The following IL31RA variants were observed in gnomAD, a reference collection of about 807,000 sequenced individuals.
IL31RA encodes interleukin 31 receptor A.
In IL31RA, 66 loss-of-function variants were observed where a neutral mutation model predicts 83.7. That is an observed-to-expected ratio of 0.79 (90% CI 0.65 to 0.97). The LOEUF (loss-of-function observed/expected upper bound fraction) is 0.97, where lower values mean the gene tolerates loss of function less well. IL31RA is among the 50% of genes least tolerant of loss of function. IL31RA has a pLI of 0.00. For missense variants in IL31RA, 798 were observed against 919.4 expected, an observed-to-expected ratio of 0.87 and a Z score of 1.71; for synonymous variants, 325 against 329.0, an observed-to-expected ratio of 0.99 and a Z score of 0.13.
At chr5:55,850,221 G>A (rs1200433507), upstream of IL31RA, among the ~76,000 whole-genome samples, 1 of 150,990 alleles carries the variant, frequency 6.6e-6, no homozygotes, top group Non-Finnish European at 1.5e-5. Context: ...CATTTATTAT[G>A]CTGTTTACAG....
At position 55,906,106 on chromosome 5, in the gene IL31RA, C is replaced by T. The variant is rs1184893115; in HGVS notation, c.1070C>T (p.Ser357Leu). 3 of 1,613,188 alleles carry T rather than the reference C, an allele frequency of 1.9e-6. No homozygotes were observed. The highest frequency in any genetic ancestry group is 2.2e-5 in the East Asian group (1 of 44,896). Reference sequence around the variant, plus strand: ...AAGCAGTCCTTTTCTCTCCTTTCAGCATTTCAGTGCATTGAGGTCATGCAG... The same window carrying T: ...AAGCAGTCCTTTTCTCTCCTTTCAGTATTTCAGTGCATTGAGGTCATGCAG... ...TLRIPAIQEK[S>L]FQCIEVMQAC... Residue 357 changes from serine to leucine, a missense_variant and splice_region_variant, in exon 9 of 15, where the codon TCA (serine) becomes TTA (leucine). Physicochemically the swap from Ser to Leu is moderately radical, Grantham distance 145. Transcript: ENST00000652347.
chr5:55,886,054 T>C (rs1227718654), intron 5 of IL31RA, among the ~76,000 whole-genome samples: 1 of 151,988 alleles, frequency 6.6e-6, no homozygotes, highest in Non-Finnish European at 1.5e-5. Flanking sequence ...CATATAACAC[T>C]AAGTGAGGGC....
rs1423646394 is a variant in IL31RA, at chr5:55,903,080, C to T, written c.1069+2948C>T. Among the ~76,000 whole-genome samples, 1 of 152,212 alleles carries T rather than the reference C, an allele frequency of 6.6e-6. No homozygotes were observed. Among genetic ancestry groups the T allele is most frequent in the Non-Finnish European group, 1.5e-5 (1 of 68,036 alleles). ...TGACCTGTGCGGGCCTCCACGTTCC[C>T]CTCTTGGAATAAGGGCTTGGAATGA... is the stretch of plus-strand genomic sequence containing the variant. On this transcript the variant is annotated intron_variant, in intron 8 of 14. Transcript: ENST00000652347. The surrounding 1 kb of genome is among the most constrained non-coding windows in gnomAD (Gnocchi z 4.7).
chr5:55,873,894 T>C (rs916470684), intron 4 of IL31RA, among the ~76,000 whole-genome samples: 4 of 152,194 alleles, frequency 2.6e-5, no homozygotes, highest in South Asian at 4.1e-4. Flanking sequence ...TTATATGAAG[T>C]CAAAAATGTA....
rs939662252 is a variant in IL31RA at position 55,890,247 on chromosome 5, C to G, written c.772+112C>G. On this transcript the variant is annotated intron_variant, in intron 6 of 14. Coordinates refer to ENST00000652347, the MANE Select transcript of IL31RA (RefSeq NM_139017.7). ...TTGGGAATCATGGAATCTCATGACCCCAGGGGCCCCCTGTACCATCGAGAG... is the reference window on the plus strand; with the variant it reads ...TTGGGAATCATGGAATCTCATGACCGCAGGGGCCCCCTGTACCATCGAGAG... 10 of 1,044,132 alleles carry G rather than the reference C, an allele frequency of 9.6e-6. No homozygotes were observed. In the African/African-American group the frequency reaches 1.3e-4, roughly 13 times the overall value. 64.7% of individuals were successfully genotyped at this position (1,044,132 alleles called of 1,614,324 possible).
At chr5:55,851,052 G>A (rs1186195121), upstream of IL31RA, among the ~76,000 whole-genome samples, 3 of 151,640 alleles carry the variant, frequency 2.0e-5, no homozygotes, top group South Asian at 2.1e-4. Flanking sequence ...CTGAGATGGC[G>A]CAATTGCACT....
chr5:55,865,748 G>T (rs1746010740), intron 2 of IL31RA, among the ~76,000 whole-genome samples: 1 of 152,194 alleles, frequency 6.6e-6, no homozygotes, highest in African/African-American at 2.4e-5. Context: ...GTGAGAAAGA[G>T]GAGGGTGTGG....
intron 3 of IL31RA, among the ~76,000 whole-genome samples, chr5:55,871,940 G>A (rs543457433): frequency 2.6e-5 from 4 of 151,926 alleles, no homozygotes; most frequent in African/African-American, 2.4e-5. Context: ...AGAATCTGGA[G>A]TTTTCAGGGA....
chr5:55,918,876 C>T lies in IL31RA; in HGVS notation c.*1756C>T, dbSNP rs932316499. Among the ~76,000 whole-genome samples, 2 of 152,116 alleles carry T rather than the reference C, an allele frequency of 1.3e-5. No homozygotes were observed. Among genetic ancestry groups the T allele is most frequent in the Admixed American group, 6.5e-5 (1 of 15,274 alleles). On this transcript the variant is annotated 3_prime_UTR_variant, in exon 15 of 15. Coordinates refer to ENST00000652347, the MANE Select transcript of IL31RA (RefSeq NM_139017.7). The stretch of plus-strand genomic sequence containing the variant: ...CTGGTACACCAAGGAATGAGGGAGG[C>T]CCGAGGCAGGGCACTGGGGAATAAG...
chr5:55,891,587 T>TTG (rs1747996839), intron 6 of IL31RA, among the ~76,000 whole-genome samples: 1 of 152,014 alleles, frequency 6.6e-6, no homozygotes, highest in South Asian at 2.1e-4. Context: ...TTCCCCACTC[T>TTG]TGTGTGTCAA....
intron 2 of IL31RA, 33 bp from the exon 3 acceptor site, chr5:55,868,758 G>T (rs766150314): frequency 1.8e-6 from 2 of 1,142,234 alleles, no homozygotes; most frequent in South Asian, 1.2e-5. Flanking sequence ...TGAAATTTTT[G>T]TGTTTGTGTG....
chr5:55,881,245 T>G (rs1161971432), intron 4 of IL31RA, among the ~76,000 whole-genome samples: 3 of 149,502 alleles, frequency 2.0e-5, no homozygotes, highest in Non-Finnish European at 4.4e-5. Context: ...GAGCTTGCAG[T>G]GAGCCGAGAT....
chr5:55,873,543 G>A (rs1746663359), intron 4 of IL31RA, among the ~76,000 whole-genome samples: 1 of 151,990 alleles, frequency 6.6e-6, no homozygotes, highest in South Asian at 2.1e-4. Flanking sequence ...TACAATTTCT[G>A]CATACCCTCA....
intron 9 of IL31RA, among the ~76,000 whole-genome samples, chr5:55,906,945 A>T (rs1749193768): frequency 6.6e-6 from 1 of 152,114 alleles, no homozygotes. Context: ...TCAAACATCC[A>T]TATTAAGAAT....
At chr5:55,894,026 G>A (rs1748181702) in intron 6 of IL31RA, among the ~76,000 whole-genome samples, 1 of 151,912 alleles carries the variant, frequency 6.6e-6, no homozygotes, top group African/African-American at 2.4e-5. Flanking sequence ...CTAGTCAAGT[G>A]CCTGGAATGA....
chr5:55,920,149 G>C lies in IL31RA; in HGVS notation c.*3029G>C, dbSNP rs913214329. 9.9e-5 allele frequency among the ~76,000 whole-genome samples: 15 copies of C among 152,208 alleles called. No homozygotes were observed. Among genetic ancestry groups the C allele is most frequent in the African/African-American group, 3.6e-4 (15 of 41,446 alleles). ...CAGCGGTGTGAAAACACCACGCAAG[G>C]GTCTGGAGGAGGCAGGAGATGGGGA... On this transcript the variant is annotated 3_prime_UTR_variant, in exon 15 of 15. Transcript: ENST00000652347.
In IL31RA at chr5:55,867,670, C is replaced by T. The variant is rs986437559; in HGVS notation, c.155-1121C>T. On this transcript the variant is annotated intron_variant, in intron 2 of 14. Transcript: ENST00000652347. The stretch of plus-strand genomic sequence containing the variant: ...TTTTCACGCTGCTGATAAAGACATA[C>T]GCGAGACTGGGAAGAAAAAGAGGTT... Among the ~76,000 whole-genome samples the T allele has an allele frequency of 3.3e-5, 5 of 152,116 alleles. No individual in the cohort carries two copies. The South Asian group carries it at 6.2e-4, about 19-fold the overall frequency.
chr5:55,871,952 C>T lies in IL31RA; in HGVS notation c.273-318C>T, dbSNP rs144370721. ...GCTAGAATCTGGAGTTTTCAGGGAC[C>T]TACTCATGATTTCTTGCAACTATAG... On this transcript the variant is annotated intron_variant, in intron 3 of 14. Transcript: ENST00000652347. Among the ~76,000 whole-genome samples the T allele has an allele frequency of 5.3e-5, 8 of 151,934 alleles. No individual in the cohort carries two copies. The East Asian group carries it at 1.5e-3, about 29-fold the overall frequency.
chr5:55,908,480 G>GT, intron 11 of IL31RA, 69 bp downstream of exon 11: 1 of 1,613,948 alleles, frequency 6.2e-7, no homozygotes, highest in East Asian at 2.2e-5. Context: ...TAGACCTGTT[G>GT]TAGGCATGGC....
Sources: gnomAD v4.1 joint callset for allele counts (sites outside exome capture counted in the v4.1 genomes callset) on GRCh38, gnomAD v4.1.1 for gene constraint, Gnocchi (gnomAD v3.1) non-coding constraint, MANE v1.5 for transcripts, NCBI Gene and HGNC (gene_info 2026-07-23, HGNC 2026-07-21) for gene names.